Variants in GRK4 observed in about 807,000 individuals in gnomAD.
The protein encoded by GRK4 is G protein-coupled receptor kinase 2-like.
In GRK4, 73 loss-of-function variants were observed where a neutral mutation model predicts 77.9. That is an observed-to-expected ratio of 0.94 (90% CI 0.78 to 1.14). The LOEUF is 1.14. Ranked by LOEUF, GRK4 falls within the 50% of genes most tolerant of loss-of-function variation. The probability of loss-of-function intolerance (pLI) is 0.00; values close to 1 mark genes in which losing one functional copy is unlikely to be tolerated. For missense variants in GRK4, 729 were observed against 700.2 expected, an observed-to-expected ratio of 1.04 and a Z score of -0.46; for synonymous variants, 257 against 254.4, an observed-to-expected ratio of 1.01 and a Z score of -0.10.
At chr4:2,983,692 C>G (rs1054435821) in intron 1 of GRK4, among the ~76,000 whole-genome samples, 2 of 152,054 alleles carry the variant, frequency 1.3e-5, no homozygotes, top group Admixed American at 1.3e-4. Context: ...TTTTTCTTAT[C>G]TCTTATCATT....
intron 4 of GRK4, among the ~76,000 whole-genome samples, chr4:3,001,389 G>A (rs1339010016): frequency 2.1e-5 from 3 of 142,998 alleles, no homozygotes; most frequent in Admixed American, 7.1e-5. Context: ...TTTTTGAGAT[G>A]GAGTTTCGCT....
chr4:2,994,817 G>A (rs1277216997), intron 4 of GRK4, among the ~76,000 whole-genome samples: 3 of 152,116 alleles, frequency 2.0e-5, no homozygotes, highest in African/African-American at 4.8e-5. Context: ...GGGTACATGT[G>A]CAGGTTTGTT....
At chr4:2,999,318 C>G (rs1455196573) in intron 4 of GRK4, among the ~76,000 whole-genome samples, 1 of 152,132 alleles carries the variant, frequency 6.6e-6, no homozygotes, top group Non-Finnish European at 1.5e-5. Context: ...GCAACAATAA[C>G]AAAACCAGTC....
At chr4:3,004,432 G>C in intron 5 of GRK4, 98 bp downstream of exon 5, 1 of 740,434 alleles carries the variant, frequency 1.4e-6, no homozygotes, top group Non-Finnish European at 2.3e-6. Context: ...AGTTCCTAGA[G>C]TGTAGTTGAC....
At chr4:2,991,520 T>C (rs1726172951) in intron 3 of GRK4, among the ~76,000 whole-genome samples, 1 of 152,100 alleles carries the variant, frequency 6.6e-6, no homozygotes. Context: ...AGTTTGTTTG[T>C]TTGTTTTTGA....
intron 2 of GRK4, among the ~76,000 whole-genome samples, 163 bp from the exon 3 acceptor site, chr4:2,988,564 A>T (rs2051557): frequency 6.6e-6 from 1 of 151,160 alleles, no homozygotes; most frequent in Non-Finnish European, 1.5e-5. Context: ...GAGGAGGGAG[A>T]CTGTCTGAAA....
chr4:3,004,453 C>T (rs1730719349), intron 5 of GRK4, 119 bp downstream of exon 5: 1 of 614,806 alleles, frequency 1.6e-6, no homozygotes, highest in African/African-American at 1.8e-5. Context: ...CCTTGAACAA[C>T]ATGGGCATTA....
At chr4:2,975,361 C>T (rs1720804238) in intron 1 of GRK4, among the ~76,000 whole-genome samples, 1 of 152,138 alleles carries the variant, frequency 6.6e-6, no homozygotes, top group East Asian at 1.9e-4. Flanking sequence ...CGTGGCTCCT[C>T]AGGATTCCGC....
intron 9 of GRK4, 109 bp downstream of exon 9, chr4:3,019,940 C>G (rs930351529): frequency 9.9e-7 from 1 of 1,013,156 alleles, no homozygotes. Flanking sequence ...AGGAGAATAG[C>G]TGGGAGGCCC....
At chr4:2,974,608 G>A (rs1053081992) in intron 1 of GRK4, among the ~76,000 whole-genome samples, 1 of 152,242 alleles carries the variant, frequency 6.6e-6, no homozygotes, top group Non-Finnish European at 1.5e-5. Context: ...ACTTAGCTCA[G>A]GTAATGTGGA....
chr4:2,964,196 A>C (rs1716686358), intron 1 of GRK4, 74 bp downstream of exon 1: 1 of 1,150,296 alleles, frequency 8.7e-7, no homozygotes, highest in Non-Finnish European at 1.2e-6. Context: ...GCCCCCCTGA[A>C]GGAACCCGAC....
chr4:3,012,002 C>T (rs1330557590), intron 7 of GRK4, among the ~76,000 whole-genome samples: 4 of 152,318 alleles, frequency 2.6e-5, no homozygotes, highest in African/African-American at 7.2e-5. Context: ...GGCCCGCCAT[C>T]GTGATCTCAT....
intron 8 of GRK4, among the ~76,000 whole-genome samples, chr4:3,016,199 A>G (rs1158237422): frequency 6.7e-6 from 1 of 149,170 alleles, no homozygotes; most frequent in African/African-American, 2.5e-5. Context: ...GTGAGCCACC[A>G]AGCCTGGCCT....
At chr4:3,038,072 T>C (rs1741328152) in intron 14 of GRK4, among the ~76,000 whole-genome samples, 1 of 152,182 alleles carries the variant, frequency 6.6e-6, no homozygotes, top group South Asian at 2.1e-4. Context: ...TTGGGTCTGA[T>C]GGGAGCTTGC....
intron 1 of GRK4, among the ~76,000 whole-genome samples, chr4:2,975,307 A>G (rs1298207015): frequency 6.6e-6 from 1 of 152,168 alleles, no homozygotes; most frequent in Non-Finnish European, 1.5e-5. Context: ...GTCTCAAAAA[A>G]AGACCGGAAA....
At chr4:2,988,303 C>T (rs938101489) in intron 2 of GRK4, among the ~76,000 whole-genome samples, 7 of 151,930 alleles carry the variant, frequency 4.6e-5, no homozygotes, top group African/African-American at 1.7e-4. Context: ...ATTTGCATTT[C>T]TCTAATGAAT....
In GRK4 at chr4:2,988,829, T is replaced by C. The variant is rs936911191; in HGVS notation, c.251T>C (p.Leu84Ser). ...ACTCTAAAGAGGCACATTGAATTCT[T>C]GGATGCAGTGGTGAGCAGTTTATCT... ...KPTLKRHIEF[L>S]DAVAEYEVAD... Residue 84 changes from leucine to serine, a missense_variant, in exon 3 of 16, where the codon TTG (leucine) becomes TCG (serine). Physicochemically the swap from Leu to Ser is moderately radical, Grantham distance 145 (BLOSUM62 -2). Coordinates refer to ENST00000398052, the MANE Select transcript of GRK4 (RefSeq NM_182982.3). 4 of 1,589,244 alleles carry C rather than the reference T, an allele frequency of 2.5e-6. No individual in the cohort carries two copies. Among genetic ancestry groups the C allele is most frequent in the Non-Finnish European group, 3.5e-6 (4 of 1,157,440 alleles).
chr4:3,038,270 T>A (rs1400583900), intron 14 of GRK4, 106 bp from the exon 15 acceptor site: 2 of 1,420,924 alleles, frequency 1.4e-6, no homozygotes, highest in Non-Finnish European at 1.9e-6. Context: ...GCAGGAGCTC[T>A]GAGGTGCCCC....
Position 2,964,039 on chromosome 4 carries a change from G to C in GRK4, c.-32G>C. 2 of 1,601,124 alleles carry C rather than the reference G, an allele frequency of 1.2e-6. No homozygotes were observed. The highest frequency in any genetic ancestry group is 1.7e-6 in the Non-Finnish European group (2 of 1,174,338). Reference sequence around the variant, plus strand: ...CCGCCTCCTCAGTCTCCTCGGTCTCGCAGAATCCGCCGGCGGCGGCGGCGC... The same window carrying C: ...CCGCCTCCTCAGTCTCCTCGGTCTCCCAGAATCCGCCGGCGGCGGCGGCGC... On this transcript the variant is annotated 5_prime_UTR_variant, in exon 1 of 16. Coordinates refer to ENST00000398052, the MANE Select transcript of GRK4 (RefSeq NM_182982.3).
Sources: allele counts gnomAD v4.1 joint callset (sites outside exome capture counted in the v4.1 genomes callset), GRCh38; gene constraint gnomAD v4.1.1; transcripts MANE v1.5; gene names NCBI Gene and HGNC (gene_info 2026-07-23, HGNC 2026-07-21).